Variants in GNL3L observed in about 807,000 individuals in gnomAD.
GNL3L encodes guanine nucleotide-binding protein-like 3-like protein.
In GNL3L, 4 loss-of-function variants were observed where a neutral mutation model predicts 42.9. The ratio of observed to expected loss-of-function variants is 0.09; its 90% CI spans 0.05 to 0.21. GNL3L has a LOEUF of 0.21. GNL3L is among the 10% of genes least tolerant of loss of function. The pLI is 1.00. For missense variants in GNL3L, 412 were observed against 481.7 expected (o/e 0.86, Z 1.36); for synonymous variants, 159 against 176.3 (o/e 0.90, Z 0.78).
At chrX:54,628,365 T>A in the GNL3L span, among the ~76,000 whole-genome samples, 7 of 110,374 alleles carry the variant, frequency 6.3e-5, no homozygotes, top group East Asian at 2.0e-3. Context: ...TAGAGTGACT[T>A]CTTTTCCTCT....
intron 12 of GNL3L, 58 bp downstream of exon 12, chrX:54,552,032 G>T (rs912984491): frequency 6.0e-5 from 69 of 1,151,929 alleles, no homozygotes; most frequent in Non-Finnish European, 7.7e-5. Flanking sequence ...TCCCCAAAGG[G>T]GCTCATCTGT....
At chrX:54,583,419 G>C (rs917922130) in intron 16 of GNL3L, among the ~76,000 whole-genome samples, 8 of 109,276 alleles carry the variant, frequency 7.3e-5, no homozygotes, top group African/African-American at 2.0e-4. Flanking sequence ...GTCTCGAACT[G>C]CTGACCTCAG....
Position 54,549,316 on chromosome X carries a change from C to T in GNL3L, c.775+943C>T, listed in dbSNP as rs142418292. Among the ~76,000 whole-genome samples, 23 of 111,260 alleles carry T rather than the reference C, an allele frequency of 2.1e-4. No homozygotes were observed. In the East Asian group the frequency reaches 6.0e-3, roughly 29 times the overall value. On this transcript the variant is annotated intron_variant, in intron 9 of 15. Transcript: ENST00000360845. The stretch of plus-strand genomic sequence containing the variant: ...AGAGATCCAGAGGAGGCACATCTAG[C>T]GAGACAGAACCACAGTCAAAATGCA...
At chrX:54,614,303 C>T (rs768115225) in intron 16 of GNL3L, among the ~76,000 whole-genome samples, 8 of 111,270 alleles carry the variant, frequency 7.2e-5, no homozygotes, top group African/African-American at 9.8e-5. Context: ...TGTTTCCAGG[C>T]GGAGGACATG....
At position 54,562,668 on chromosome X, in the gene GNL3L, C is replaced by T. The variant is rs1026474247; in HGVS notation, c.*2066C>T. ...GTTGGCCGAGCATGGTGGCTCACAC[C>T]TGTAATCCCAGTTATGCAGGAGGCT... On this transcript the variant is annotated 3_prime_UTR_variant, in exon 16 of 16. Transcript: ENST00000360845. Among the ~76,000 whole-genome samples the T allele has an allele frequency of 9.0e-6, 1 of 110,775 alleles. No homozygotes were observed. The highest frequency in any genetic ancestry group is 3.3e-5 in the African/African-American group (1 of 30,425).
chrX:54,593,703 A>T (rs949487564), intron 16 of GNL3L, among the ~76,000 whole-genome samples: 1 of 108,999 alleles, frequency 9.2e-6, no homozygotes, highest in African/African-American at 3.3e-5. Flanking sequence ...AAGTTGTTTA[A>T]GTTTTTCTTC....
intron 16 of GNL3L, among the ~76,000 whole-genome samples, chrX:54,605,248 C>A (rs1352022138): frequency 3.6e-5 from 4 of 111,938 alleles, no homozygotes; most frequent in Admixed American, 1.9e-4. Context: ...AAGCCTAATT[C>A]TAATTTTTTA....
downstream of GNL3L, among the ~76,000 whole-genome samples, chrX:54,571,646 A>T (rs1925545529): frequency 9.1e-6 from 1 of 109,524 alleles, no homozygotes; most frequent in Admixed American, 9.9e-5. Context: ...GAGACATCTG[A>T]TGTCATCTTA....
rs780948653 is a variant in GNL3L, at chrX:54,551,486, A to C, written c.864-82A>C. On this transcript the variant is annotated intron_variant, in intron 10 of 15. Transcript: ENST00000360845. ...ATGCACCCTCCCCTCACTCCTTTAC[A>C]CTCCCACATCCCAGGCCCACCTTCG... 1.5e-3 allele frequency: 1,230 copies of C among 830,520 alleles called. 11 individuals are homozygous for C. In the South Asian group the frequency reaches 0.027, roughly 18 times the overall value. 68.4% of individuals were successfully genotyped at this position (830,520 alleles called of 1,213,427 possible).
rs1569542111 is a variant in GNL3L, at chrX:54,551,690, C to T, written c.986C>T (p.Ala329Val). ...LRNCVHVQKL[A>V]DPVTPVETIL... ...AACTGCGTCCACGTGCAGAAGCTGG[C>T]AGACCCTGTGACCCCAGTGGAGACC... The change falls in exon 11 of 16, where the codon GCA becomes GTA. Residue 329 changes from alanine to valine, a missense_variant. Transcript: ENST00000360845. 1 of 1,211,460 alleles carries T rather than the reference C, an allele frequency of 8.3e-7. No homozygotes were observed. Among genetic ancestry groups the T allele is most frequent in the Admixed American group, 2.2e-5 (1 of 46,053 alleles).
the GNL3L span, among the ~76,000 whole-genome samples, chrX:54,632,144 T>TAAA: frequency 8.9e-6 from 1 of 112,149 alleles, no homozygotes; most frequent in Non-Finnish European, 1.9e-5. Context: ...AATCTGCTGT[T>TAAA]AATCTGATAG....
intron 8 of GNL3L, among the ~76,000 whole-genome samples, chrX:54,547,949 G>A (rs957781764): frequency 9.0e-6 from 1 of 111,722 alleles, no homozygotes; most frequent in Non-Finnish European, 1.9e-5. Flanking sequence ...TAGACCTGGA[G>A]CTCAAACCTG....
rs985606928 is a variant in GNL3L, at chrX:54,567,190, C to T, written c.*6588C>T. ...GTATGTGCTAAAACTTTGCTAAAGTCACTTAGTTCTAGTAGCTTTTTTTGC... is the reference window on the plus strand; with the variant it reads ...GTATGTGCTAAAACTTTGCTAAAGTTACTTAGTTCTAGTAGCTTTTTTTGC... On this transcript the variant is annotated 3_prime_UTR_variant, in exon 16 of 16. Transcript: ENST00000360845. 6.8e-4 allele frequency among the ~76,000 whole-genome samples: 76 copies of T among 112,222 alleles called. No homozygotes were observed. Among genetic ancestry groups the T allele is most frequent in the African/African-American group, 2.4e-3 (75 of 30,917 alleles).
chrX:54,607,003 T>TCTTTCTTC (rs1926073981), intron 16 of GNL3L, among the ~76,000 whole-genome samples: 1 of 19,893 alleles, frequency 5.0e-5, no homozygotes, highest in African/African-American at 3.8e-4. Context: ...TTCCTTTCTT[T>TCTTTCTTC]CTTTCTTTCT....
At chrX:54,596,738 A>C (rs962713996) in intron 16 of GNL3L, among the ~76,000 whole-genome samples, 1 of 111,871 alleles carries the variant, frequency 8.9e-6, no homozygotes, top group Non-Finnish European at 1.9e-5. Flanking sequence ...GTTGACTTCT[A>C]AGATTTGAGC....
intron 2 of GNL3L, among the ~76,000 whole-genome samples, chrX:54,533,036 GTCC>G (rs1460309308): frequency 8.9e-6 from 1 of 111,857 alleles, no homozygotes; most frequent in Non-Finnish European, 1.9e-5. Flanking sequence ...TATCATTGCT[GTCC>G]TCCTGACTTC....
At position 54,555,988 on chromosome X, in the gene GNL3L, A is replaced by G. The variant is rs1277121929; in HGVS notation, c.1446+1296A>G. Among the ~76,000 whole-genome samples, 3 of 110,155 alleles carry G rather than the reference A, an allele frequency of 2.7e-5. No individual in the cohort carries two copies. In the Admixed American group the frequency reaches 2.9e-4, roughly 11 times the overall value. On this transcript the variant is annotated intron_variant, in intron 14 of 15. Transcript: ENST00000360845. The stretch of plus-strand genomic sequence containing the variant: ...CTCCATCTCTGCCCTTGAGGAGTTC[A>G]TATTTTAGTGGGTTTCAGACACAGA...
intron 16 of GNL3L, among the ~76,000 whole-genome samples, chrX:54,588,009 A>G (rs1419587766): frequency 8.9e-6 from 1 of 111,756 alleles, no homozygotes; most frequent in African/African-American, 3.3e-5. Flanking sequence ...CCGTTTCCAC[A>G]TGGTCGTTGC....
chrX:54,541,938 C>T (rs762254841), intron 5 of GNL3L, among the ~76,000 whole-genome samples: 2 of 110,657 alleles, frequency 1.8e-5, no homozygotes, highest in African/African-American at 6.6e-5. Context: ...CTCCCTTTCA[C>T]ACCCATGTGC....
Sources: gnomAD v4.1 joint callset for allele counts (sites outside exome capture counted in the v4.1 genomes callset) on GRCh38, gnomAD v4.1.1 for gene constraint, MANE v1.5 for transcripts, NCBI Gene and HGNC (gene_info 2026-07-23, HGNC 2026-07-21) for gene names.